Variants in CAPN7 observed in about 807,000 individuals in gnomAD.
CAPN7 encodes calpain-7.
Under a neutral mutation model 115.2 loss-of-function variants are expected in CAPN7, and 72 were observed. The ratio of observed to expected loss-of-function variants is 0.63; its 90% CI spans 0.52 to 0.76. CAPN7 has a LOEUF of 0.76. Ranked by LOEUF, CAPN7 falls within the 30% of genes least tolerant of loss-of-function variation. CAPN7 has a pLI of 0.00. For synonymous variants in CAPN7, 344 were observed against 322.3 expected (o/e 1.07, Z -0.72); for missense variants, 905 against 971.5 (o/e 0.93, Z 0.91).
At chr3:15,219,458 G>A (rs1463561793) in intron 4 of CAPN7, among the ~76,000 whole-genome samples, 1 of 152,078 alleles carries the variant, frequency 6.6e-6, no homozygotes, top group Non-Finnish European at 1.5e-5. Context: ...ACTTTAGTTT[G>A]TTTCCTCAGA....
chr3:15,240,249 T>C (rs1216959002), intron 12 of CAPN7, among the ~76,000 whole-genome samples: 4 of 152,224 alleles, frequency 2.6e-5, no homozygotes, highest in African/African-American at 9.6e-5. Context: ...AATTTTAACT[T>C]AACTACATGC....
At chr3:15,247,111 TAGAA>T (rs1355559468) in intron 18 of CAPN7, 2 of 564,802 alleles carry the variant, frequency 3.5e-6, no homozygotes, top group South Asian at 2.4e-5. Context: ...AAATTCCTGG[TAGAA>T]AGAACAACTT....
intron 6 of CAPN7, among the ~76,000 whole-genome samples, chr3:15,226,607 A>T (rs1694331433): frequency 6.6e-6 from 1 of 152,180 alleles, no homozygotes; most frequent in Non-Finnish European, 1.5e-5. Context: ...TTCTGTTTAC[A>T]GTTAGCTCCT....
intron 2 of CAPN7, among the ~76,000 whole-genome samples, chr3:15,215,353 C>A (rs1313557937): frequency 6.6e-6 from 1 of 152,214 alleles, no homozygotes; most frequent in Non-Finnish European, 1.5e-5. Context: ...GATACAATTT[C>A]CATATCATAA....
intron 6 of CAPN7, among the ~76,000 whole-genome samples, chr3:15,223,942 A>G (rs1202728298): frequency 6.6e-6 from 1 of 152,202 alleles, no homozygotes; most frequent in Non-Finnish European, 1.5e-5. Context: ...TCAAGCAAGG[A>G]CTATTTATGA....
intron 18 of CAPN7, 96 bp from the exon 19 acceptor site, chr3:15,247,231 T>A: frequency 1.0e-6 from 1 of 963,684 alleles, no homozygotes; most frequent in Non-Finnish European, 1.5e-6. Context: ...GAGTGGAAAA[T>A]TGCCTTTTTT....
chr3:15,220,796 T>G lies in CAPN7; in HGVS notation c.453T>G (p.Ser151Arg). Reference protein sequence around the residue: ...RQALDRAEALSEPLTKPVGKI... With the variant: ...RQALDRAEALREPLTKPVGKI... ...TCTGTTATAGAGCAGAAGCGCTGAGTGAGCCTTTGACCAAGCCAGTTGGCA... is the reference window on the plus strand; with the variant it reads ...TCTGTTATAGAGCAGAAGCGCTGAGGGAGCCTTTGACCAAGCCAGTTGGCA... The change falls in exon 5 of 21, where the codon AGT becomes AGG. Residue 151 changes from serine (S) to arginine (R), a missense_variant. By Grantham distance (110) the Ser-to-Arg change is moderately radical (BLOSUM62 -1). Coordinates refer to ENST00000253693, the MANE Select transcript of CAPN7 (RefSeq NM_014296.3). 1 of 1,614,120 alleles carries G rather than the reference T, an allele frequency of 6.2e-7. No individual in the cohort carries two copies. The highest frequency in any genetic ancestry group is 8.5e-7 in the Non-Finnish European group (1 of 1,180,014).
chr3:15,230,883 A>AGT (rs1694645809), intron 9 of CAPN7, among the ~76,000 whole-genome samples: 1 of 152,196 alleles, frequency 6.6e-6, no homozygotes, highest in Non-Finnish European at 1.5e-5. Flanking sequence ...AGGTCAGAAG[A>AGT]GTGTATATGT....
At position 15,206,581 on chromosome 3, in the gene CAPN7, C is replaced by T. The variant is rs1306640641; in HGVS notation, c.86C>T (p.Ala29Val). ...QRDHEGRYSE[A>V]VFYYKEAAQA... is the part of the protein sequence containing the mutation. ...GACCACGAAGGCCGCTACTCCGAGGCGGTGTTTTATTACAAGGTAGGGCCG... is the reference window on the plus strand; with the variant it reads ...GACCACGAAGGCCGCTACTCCGAGGTGGTGTTTTATTACAAGGTAGGGCCG... The change falls in exon 1 of 21, where the codon GCG becomes GTG. Residue 29 changes from alanine to valine, a missense_variant. Ala to Val is a moderately conservative substitution (Grantham distance 64). Coordinates refer to ENST00000253693, the MANE Select transcript of CAPN7 (RefSeq NM_014296.3). 3 of 1,549,662 alleles carry T rather than the reference C, an allele frequency of 1.9e-6. No homozygotes were observed. Among genetic ancestry groups the T allele is most frequent in the Non-Finnish European group, 2.6e-6 (3 of 1,146,762 alleles).
intron 2 of CAPN7, 59 bp from the exon 3 acceptor site, chr3:15,217,364 AGT>A: frequency 7.6e-7 from 1 of 1,321,702 alleles, no homozygotes; most frequent in Non-Finnish European, 1.0e-6. Flanking sequence ...TAGTGAAAAT[AGT>A]GTGTTTTCTG....
At chr3:15,231,666 A>C (rs1256320474) in intron 9 of CAPN7, among the ~76,000 whole-genome samples, 4 of 151,906 alleles carry the variant, frequency 2.6e-5, no homozygotes. Context: ...AGTAGCTGGG[A>C]TTACAGGCAC....
intron 14 of CAPN7, 140 bp from the exon 15 acceptor site, chr3:15,241,313 C>G (rs1032859387): frequency 2.3e-5 from 16 of 710,280 alleles, no homozygotes; most frequent in Non-Finnish European, 3.8e-5. Flanking sequence ...TTCCATGCTT[C>G]CTAGTTATGC....
intron 4 of CAPN7, among the ~76,000 whole-genome samples, chr3:15,220,567 T>A (rs1399856327): frequency 6.6e-6 from 1 of 152,256 alleles, no homozygotes; most frequent in African/African-American, 2.4e-5. Context: ...ATTATGTAAG[T>A]GCTTAATTAA....
In CAPN7 at chr3:15,242,171, AT is replaced by A; in HGVS notation, c.1789-3del. 6.3e-7 allele frequency: 1 copy of A among 1,589,672 alleles called. No homozygotes were observed. The highest frequency in any genetic ancestry group is 8.6e-7 in the Non-Finnish European group (1 of 1,167,836). On this transcript the variant is annotated splice_polypyrimidine_tract_variant and splice_region_variant and intron_variant, in intron 15 of 20. Transcript: ENST00000253693. ...TTCTAACCACATTGGATTCTTTGTG[AT>A]TTTAGGATGATTTTGCGAATAATCG... is the stretch of plus-strand genomic sequence containing the variant.
At chr3:15,240,931 G>T (rs932186171) in intron 14 of CAPN7, 78 bp downstream of exon 14, 2 of 906,176 alleles carry the variant, frequency 2.2e-6, no homozygotes, top group Non-Finnish European at 3.5e-6. Context: ...GGTGCCAGGC[G>T]CAGTGGCTCA....
intron 19 of CAPN7, among the ~76,000 whole-genome samples, chr3:15,249,417 G>C (rs1027041261): frequency 3.3e-5 from 5 of 152,002 alleles, no homozygotes; most frequent in African/African-American, 1.2e-4. Context: ...CTCCCACATA[G>C]AAAAACATTT....
At chr3:15,210,969 A>C in intron 1 of CAPN7, 1 of 1,131,152 alleles carries the variant, frequency 8.8e-7, no homozygotes, top group Admixed American at 3.6e-5. Context: ...AGGTGGTAGC[A>C]TTGGTAACCT....
intron 2 of CAPN7, among the ~76,000 whole-genome samples, chr3:15,214,383 TGA>T (rs2045127045): frequency 6.6e-6 from 1 of 152,116 alleles, no homozygotes; most frequent in East Asian, 1.9e-4. Context: ...AAGAGAATCC[TGA>T]GAGAGAGTTG....
intron 4 of CAPN7, among the ~76,000 whole-genome samples, chr3:15,219,248 G>T (rs1486883573): frequency 6.6e-6 from 1 of 152,210 alleles, no homozygotes; most frequent in Non-Finnish European, 1.5e-5. Context: ...AAGAATGAAT[G>T]AGTTTGCATA....
Sources: gnomAD v4.1 joint callset for allele counts (sites outside exome capture counted in the v4.1 genomes callset) on GRCh38, gnomAD v4.1.1 for gene constraint, MANE v1.5 for transcripts, NCBI Gene and HGNC (gene_info 2026-07-23, HGNC 2026-07-21) for gene names.